The following RFC3 variants were observed in gnomAD, a reference collection of about 807,000 sequenced individuals.
RFC3 encodes replication factor C subunit 3, also known as A1 38 kDa subunit.
RFC3 carries 41 observed loss-of-function variants against 45.1 expected under a neutral mutation model. The ratio of observed to expected loss-of-function variants is 0.91; its 90% confidence interval spans 0.71 to 1.18. The LOEUF (loss-of-function observed/expected upper bound fraction) is 1.18. RFC3 is among the 50% of genes most tolerant of loss of function. The probability of loss-of-function intolerance (pLI) is 0.00; values close to 1 mark genes in which losing one functional copy is unlikely to be tolerated. For synonymous variants in RFC3, 149 were observed against 144.0 expected (o/e 1.03, Z -0.25); for missense variants, 423 against 428.1 (o/e 0.99, Z 0.10).
At chr13:33,900,331 A>G (rs1384241125) in intron 8 of RFC3, among the ~76,000 whole-genome samples, 1 of 152,032 alleles carries the variant, frequency 6.6e-6, no homozygotes, top group African/African-American at 2.4e-5. Flanking sequence ...GAAAACAGAC[A>G]CATAGACCAA....
chr13:33,925,377 T>G (rs1438813682), intron 8 of RFC3, among the ~76,000 whole-genome samples: 1 of 125,046 alleles, frequency 8.0e-6, no homozygotes, highest in African/African-American at 4.1e-5. Context: ...TACATACATA[T>G]AGTGTACTAT....
chr13:33,847,580 C>T (rs975132228), intron 8 of RFC3: 2 of 151,648 alleles, frequency 1.3e-5, no homozygotes, highest in Non-Finnish European at 2.9e-5. Flanking sequence ...GGTCAAGTAT[C>T]TCTTAAAAAA....
rs1555235489 is a variant in RFC3, at chr13:33,872,795, C to CG, written c.879+37578_879+37579insG. Among the ~76,000 whole-genome samples, 12 of 131,644 alleles carry CG rather than the reference C, an allele frequency of 9.1e-5. 2 individuals carry two copies. The highest frequency in any genetic ancestry group is 3.7e-4 in the Admixed American group (5 of 13,520). The allele number at this position is 131,644 out of a possible 152,430, so 86.4% of individuals were successfully genotyped here. On this transcript the variant is annotated intron_variant, in intron 8 of 8. Coordinates refer to the RFC3 transcript ENST00000434425. Reference sequence around the variant, plus strand: ...AACAAAAAAAGAAAGAAACCAAACCCCCCCCCCCAAAATACATGGTAGGCA... The same window carrying CG: ...AACAAAAAAAGAAAGAAACCAAACCCGCCCCCCCCAAAATACATGGTAGGCA...
intron 8 of RFC3, among the ~76,000 whole-genome samples, chr13:33,961,464 T>G (rs1034483165): frequency 7.2e-5 from 11 of 152,234 alleles, no homozygotes; most frequent in Admixed American, 6.5e-5. Flanking sequence ...TCTTCTTTTA[T>G]CTATTCCTAG....
At position 33,966,094 on chromosome 13, in the gene RFC3, A is replaced by G. The variant is rs1593723918; in HGVS notation, c.887A>G (p.Lys296Arg). The G allele has an allele frequency of 2.5e-6, 4 of 1,609,490 alleles. No individual in the cohort carries two copies. In the East Asian group the frequency reaches 6.7e-5, roughly 27 times the overall value. ...AGTGAATATCTCTTACAGGCATGTAAGGAGGAATCAAGAAGCTGTGACATA... is the reference window on the plus strand; with the variant it reads ...AGTGAATATCTCTTACAGGCATGTAGGGAGGAATCAAGAAGCTGTGACATA... Residue 296 changes from lysine (K) to arginine (R), a missense_variant, in exon 9 of 9, where the codon AAG becomes AGG. Physicochemically the swap from Lys to Arg is conservative, Grantham distance 26 (BLOSUM62 2). Coordinates refer to the RFC3 transcript ENST00000434425.
chr13:33,963,364 T>G (rs146609750), intron 8 of RFC3, among the ~76,000 whole-genome samples: 2 of 152,338 alleles, frequency 1.3e-5, no homozygotes, highest in East Asian at 3.9e-4. Context: ...TCAGGATGGC[T>G]CTTGCCTACT....
chr13:33,893,150 A>G (rs1196234660), intron 8 of RFC3, among the ~76,000 whole-genome samples: 1 of 152,154 alleles, frequency 6.6e-6, no homozygotes. Context: ...GAGATGCCAA[A>G]TCAGAGTGGT....
intron 8 of RFC3, among the ~76,000 whole-genome samples, chr13:33,921,332 A>G (rs1399472261): frequency 6.6e-6 from 1 of 152,170 alleles, no homozygotes; most frequent in East Asian, 1.9e-4. Context: ...CCCAAGAGTC[A>G]AGTAAGTCTT....
chr13:33,924,596 T>A (rs1023050359), intron 8 of RFC3, among the ~76,000 whole-genome samples: 4 of 149,824 alleles, frequency 2.7e-5, no homozygotes, highest in Non-Finnish European at 4.4e-5. Flanking sequence ...AAAGAAATGA[T>A]TATATATATA....
intron 8 of RFC3, among the ~76,000 whole-genome samples, chr13:33,954,777 G>A (rs568569401): frequency 1.2e-4 from 18 of 152,162 alleles, no homozygotes; most frequent in African/African-American, 2.9e-4. Context: ...ATCTCCTCAC[G>A]AGGGCTCCAT....
chr13:33,902,770 C>G (rs1453721904), intron 8 of RFC3, among the ~76,000 whole-genome samples: 1 of 151,948 alleles, frequency 6.6e-6, no homozygotes, highest in Non-Finnish European at 1.5e-5. Flanking sequence ...ACAGAACCAC[C>G]AGAGGAAGTT....
At chr13:33,898,688 AAAAT>A (rs1417871702) in intron 8 of RFC3, among the ~76,000 whole-genome samples, 1 of 151,844 alleles carries the variant, frequency 6.6e-6, no homozygotes, top group Non-Finnish European at 1.5e-5. Flanking sequence ...TGGGACTAAA[AAAAT>A]AACAAAAAAT....
At chr13:33,961,164 G>A (rs1382518745) in intron 8 of RFC3, among the ~76,000 whole-genome samples, 1 of 151,968 alleles carries the variant, frequency 6.6e-6, no homozygotes, top group Non-Finnish European at 1.5e-5. Flanking sequence ...GCTACATCTG[G>A]CCACCCCGCC....
At chr13:33,975,076 A>G in the RFC3 span, among the ~76,000 whole-genome samples, 3 of 152,216 alleles carry the variant, frequency 2.0e-5, no homozygotes, top group Admixed American at 6.5e-5. Flanking sequence ...TTGAAAACTT[A>G]AAAACCTCGT....
intron 5 of RFC3, among the ~76,000 whole-genome samples, chr13:33,830,244 A>G (rs1223532120): frequency 6.6e-6 from 1 of 152,210 alleles, no homozygotes; most frequent in Non-Finnish European, 1.5e-5. Flanking sequence ...ACAAGTAGGT[A>G]TTACGAATTC....
chr13:33,925,351 TATATAGTGTACTATATACATAC>T (rs1566030725), intron 8 of RFC3, among the ~76,000 whole-genome samples: 21 of 45,722 alleles, frequency 4.6e-4, no homozygotes, highest in Non-Finnish European at 1.2e-3. Flanking sequence ...TATACATACA[TATATAGTGTACTATATACATAC>T]ATATAGTGTA....
intron 8 of RFC3, among the ~76,000 whole-genome samples, chr13:33,910,414 G>A (rs1268721920): frequency 6.6e-6 from 1 of 152,104 alleles, no homozygotes; most frequent in Non-Finnish European, 1.5e-5. Context: ...TTGGCACATA[G>A]TAAGCACTCA....
chr13:33,863,731 G>C (rs1301252117), intron 8 of RFC3, among the ~76,000 whole-genome samples: 1 of 152,172 alleles, frequency 6.6e-6, no homozygotes, highest in African/African-American at 2.4e-5. Context: ...CTTTGTTCCA[G>C]ATTTGTTACT....
intron 8 of RFC3, among the ~76,000 whole-genome samples, chr13:33,953,081 T>C (rs2137837450): frequency 6.6e-6 from 1 of 152,218 alleles, no homozygotes; most frequent in African/African-American, 2.4e-5. Context: ...AAAGAAAAAG[T>C]TTAGAAGAAA....
Sources: allele counts gnomAD v4.1 joint callset (sites outside exome capture counted in the v4.1 genomes callset), GRCh38; gene constraint gnomAD v4.1.1; transcripts MANE v1.5; gene names NCBI Gene and HGNC (gene_info 2026-07-23, HGNC 2026-07-21).